Variants in LARP4 observed in about 807,000 individuals in gnomAD.
LARP4 encodes the protein la-related protein 4.
LARP4 carries 29 observed loss-of-function variants against 92.9 expected under a neutral mutation model. The ratio of observed to expected loss-of-function variants is 0.31; its 90% CI spans 0.23 to 0.43. LARP4 has a LOEUF of 0.43. Among genes scored for constraint, LARP4 ranks in the 20% least tolerant of loss-of-function variants. The pLI, the probability that LARP4 is intolerant of heterozygous loss-of-function variation, is 1.00. For synonymous variants in LARP4, 279 were observed against 284.1 expected (o/e 0.98, Z 0.18); for missense variants, 732 against 860.0 (o/e 0.85, Z 1.86).
At position 50,421,196 on chromosome 12, in the gene LARP4, G is replaced by A. The variant is rs189848862; in HGVS notation, c.19-6566G>A. The A allele has an allele frequency of 1.6e-4, 99 of 630,024 alleles. 1 individual carries two copies. Among genetic ancestry groups the A allele is most frequent in the Admixed American group, 1.3e-3 (21 of 15,728 alleles). 39.0% of individuals were successfully genotyped at this position (630,024 alleles called of 1,614,324 possible). A position where few individuals can be genotyped will look rare whatever the true frequency, so the allele number is the denominator to read the frequency against. ...GAACTCCTGACCTCATGATCTGCCCGCCTTGGCCTCTCAAAGTGCTTTGAT... is the reference window on the plus strand; with the variant it reads ...GAACTCCTGACCTCATGATCTGCCCACCTTGGCCTCTCAAAGTGCTTTGAT... On this transcript the variant is annotated intron_variant, in intron 1 of 15. Coordinates refer to ENST00000398473, the MANE Select transcript of LARP4 (RefSeq NM_052879.5).
Position 50,440,468 on chromosome 12 carries a change from C to A in LARP4, c.669C>A (p.Asn223Lys), listed in dbSNP as rs369661355. The change falls in exon 7 of 16, where the codon AAC becomes AAA. Residue 223 changes from asparagine (N) to lysine (K), a missense_variant. Asn to Lys is a moderately conservative substitution (Grantham distance 94). Around this residue, in one of 7 missense-constraint regions of LARP4, gnomAD observed 236 missense variants for 307.6 expected, o/e 0.77. Coordinates refer to ENST00000398473, the MANE Select transcript of LARP4 (RefSeq NM_052879.5). ...EEVKGLFKSE[N>K]CPKVISCEFA... is the part of the protein sequence containing the mutation. ...TGAAAGGTTTGTTCAAAAGTGAAAACTGCCCCAAAGTGATAAGCTGTGAGT... is the reference window on the plus strand; with the variant it reads ...TGAAAGGTTTGTTCAAAAGTGAAAAATGCCCCAAAGTGATAAGCTGTGAGT... 3.7e-5 allele frequency: 60 copies of A among 1,613,710 alleles called. 1 individual carries two copies. The South Asian group carries it at 5.6e-4, about 15-fold the overall frequency.
At chr12:50,455,430 T>C (rs1428865564) in intron 10 of LARP4, among the ~76,000 whole-genome samples, 1 of 152,240 alleles carries the variant, frequency 6.6e-6, no homozygotes, top group Non-Finnish European at 1.5e-5. Flanking sequence ...TTTAATAGTT[T>C]CACATTTATT....
At chr12:50,401,233 A>C (rs1244183764) in intron 1 of LARP4, 2 of 643,180 alleles carry the variant, frequency 3.1e-6, no homozygotes, top group Non-Finnish European at 5.6e-6. Context: ...TGAGGCCCGT[A>C]GTGGAGAAGA....
chr12:50,457,268 G>A (rs938367688), intron 10 of LARP4, among the ~76,000 whole-genome samples: 4 of 150,216 alleles, frequency 2.7e-5, no homozygotes, highest in Non-Finnish European at 4.4e-5. Context: ...GTGCAATGGC[G>A]GGATCTCGGC....
chr12:50,465,949 A>G (rs1458740100), intron 12 of LARP4, among the ~76,000 whole-genome samples: 1 of 152,196 alleles, frequency 6.6e-6, no homozygotes, highest in African/African-American at 2.4e-5. Flanking sequence ...AACCAAATGG[A>G]AACCATCAAA....
rs1013353096 is a variant in LARP4, at chr12:50,406,151, C to T, written c.18+5123C>T. ...CAGTTAAGTTTCATACGACCTAGGA[C>T]GCTTTAATAACTCTTAAATAATTAA... On this transcript the variant is annotated intron_variant, in intron 1 of 15. Coordinates refer to ENST00000398473, the MANE Select transcript of LARP4 (RefSeq NM_052879.5). 9.9e-5 allele frequency among the ~76,000 whole-genome samples: 15 copies of T among 152,178 alleles called. No individual in the cohort carries two copies. The South Asian group carries it at 1.2e-3, about 13-fold the overall frequency.
chr12:50,456,349 G>A (rs1360202207), intron 10 of LARP4, among the ~76,000 whole-genome samples: 1 of 151,562 alleles, frequency 6.6e-6, no homozygotes, highest in African/African-American at 2.4e-5. Flanking sequence ...ATACAGGTTG[G>A]TAATTTTTAA....
At chr12:50,457,642 C>T (rs1954563836) in intron 10 of LARP4, among the ~76,000 whole-genome samples, 1 of 152,012 alleles carries the variant, frequency 6.6e-6, no homozygotes, top group South Asian at 2.1e-4. Flanking sequence ...AGTGAAACCT[C>T]GTCTCTACTG....
At chr12:50,435,691 T>C in intron 5 of LARP4, 67 bp downstream of exon 5, 1 of 1,194,746 alleles carries the variant, frequency 8.4e-7, no homozygotes, top group Non-Finnish European at 1.2e-6. Context: ...CGACTTCTGA[T>C]CATATAGGGA....
At chr12:50,434,349 C>CT (rs1459120153) in intron 4 of LARP4, among the ~76,000 whole-genome samples, 1 of 148,300 alleles carries the variant, frequency 6.7e-6, no homozygotes, top group Non-Finnish European at 1.5e-5. Flanking sequence ...TTTGCATCTT[C>CT]TTTTTTTAAT....
intron 12 of LARP4, among the ~76,000 whole-genome samples, chr12:50,464,268 G>T (rs1955852473): frequency 6.6e-6 from 1 of 152,240 alleles, no homozygotes; most frequent in South Asian, 2.1e-4. Context: ...TTCTGGGGAG[G>T]CCTTGGGAAA....
At chr12:50,423,185 C>T (rs1330736691) in intron 1 of LARP4, among the ~76,000 whole-genome samples, 1 of 152,096 alleles carries the variant, frequency 6.6e-6, no homozygotes, top group African/African-American at 2.4e-5. Context: ...TTCCTATTTA[C>T]ATCCATGCAT....
chr12:50,459,765 A>C (rs991228253), intron 10 of LARP4, among the ~76,000 whole-genome samples: 2 of 145,818 alleles, frequency 1.4e-5, no homozygotes, highest in African/African-American at 5.1e-5. Context: ...CGGAGGTTGC[A>C]GTGACCTGAG....
At chr12:50,458,070 C>T (rs1382874005) in intron 10 of LARP4, among the ~76,000 whole-genome samples, 1 of 151,238 alleles carries the variant, frequency 6.6e-6, no homozygotes, top group Non-Finnish European at 1.5e-5. Flanking sequence ...GTAGCTGGGA[C>T]TACAGGCGCA....
At chr12:50,441,456 C>T in intron 7 of LARP4, 134 bp from the exon 8 acceptor site, 1 of 544,148 alleles carries the variant, frequency 1.8e-6, no homozygotes, top group Non-Finnish European at 3.2e-6. Flanking sequence ...TTTTCATTCC[C>T]TGTCCACCTG....
At chr12:50,461,515 T>G in intron 11 of LARP4, 168 bp downstream of exon 11, 1 of 725,598 alleles carries the variant, frequency 1.4e-6, no homozygotes, top group Non-Finnish European at 2.2e-6. Context: ...TTATAATTAT[T>G]AAGAAATAGA....
At chr12:50,450,589 C>G (rs1953010329) in intron 8 of LARP4, among the ~76,000 whole-genome samples, 1 of 152,106 alleles carries the variant, frequency 6.6e-6, no homozygotes, top group Non-Finnish European at 1.5e-5. Flanking sequence ...AAATCCGCCT[C>G]CTGGGTTCAA....
At chr12:50,463,987 C>A (rs1205640561) in intron 12 of LARP4, among the ~76,000 whole-genome samples, 1 of 152,102 alleles carries the variant, frequency 6.6e-6, no homozygotes, top group Non-Finnish European at 1.5e-5. Context: ...TCAGAGGCTC[C>A]AAAGCCAGTC....
intron 10 of LARP4, among the ~76,000 whole-genome samples, chr12:50,459,822 CAA>C (rs59855735): frequency 6.6e-4 from 66 of 99,846 alleles, no homozygotes; most frequent in East Asian, 3.2e-3. Context: ...GACTCCGTAT[CAA>C]AAAAAAAAAA....
Sources: gnomAD v4.1 joint callset for allele counts (sites outside exome capture counted in the v4.1 genomes callset) on GRCh38, gnomAD v4.1.1 for gene constraint, gnomAD v4.1.1 regional missense constraint, MANE v1.5 for transcripts, NCBI Gene and HGNC (gene_info 2026-07-23, HGNC 2026-07-21) for gene names.